Variants in SRGAP3 observed in about 807,000 individuals in gnomAD.
SRGAP3 encodes SLIT-ROBO Rho GTPase activating protein 3.
A neutral mutation model predicts 121.1 loss-of-function variants in SRGAP3; 39 were observed. The ratio of observed to expected loss-of-function variants is 0.32; its 90% CI spans 0.25 to 0.42. SRGAP3 has a LOEUF of 0.42. SRGAP3 is among the 10% of genes least tolerant of loss of function. The pLI is 1.00. For missense variants in SRGAP3, 1,213 were observed against 1,470.6 expected (o/e 0.82, Z 2.86); for synonymous variants, 601 against 570.0 (o/e 1.05, Z -0.77).
intron 3 of SRGAP3, among the ~76,000 whole-genome samples, chr3:9,083,345 A>G (rs1006952026): frequency 6.6e-6 from 1 of 152,256 alleles, no homozygotes. Context: ...AATGGAAAGA[A>G]TAAGTCTCCC....
intron 3 of SRGAP3, among the ~76,000 whole-genome samples, chr3:9,101,629 G>A (rs1207926695): frequency 6.6e-6 from 1 of 152,228 alleles, no homozygotes; most frequent in East Asian, 1.9e-4. Flanking sequence ...GAGAAAACTG[G>A]AGCAGAGTTG....
Position 9,338,441 on chromosome 3 carries a change from T to C in SRGAP3, n.215-7845A>G, listed in dbSNP as rs146401617. 5.6e-3 allele frequency among the ~76,000 whole-genome samples: 853 copies of C among 152,288 alleles called. 12 individuals are homozygous for C. Among genetic ancestry groups the C allele is most frequent in the African/African-American group, 0.02 (813 of 41,546 alleles). ...AAGAAATATCTAGCCAATTTTGGAA[T>C]TATGAGGCTTGTGTGAAGGATGTCA... On this transcript the variant is annotated intron_variant and non_coding_transcript_variant, in intron 1 of 3. Transcript: ENST00000490889.
intron 1 of SRGAP3, among the ~76,000 whole-genome samples, chr3:9,210,684 G>GC (rs1256445169): frequency 6.6e-6 from 1 of 151,962 alleles, no homozygotes; most frequent in Non-Finnish European, 1.5e-5. Flanking sequence ...AAATAAATTA[G>GC]CCAGGGGTGG....
At chr3:9,332,279 C>A (rs1210019570) in intron 1 of SRGAP3, among the ~76,000 whole-genome samples, 1 of 152,172 alleles carries the variant, frequency 6.6e-6, no homozygotes, top group African/African-American at 2.4e-5. Flanking sequence ...ACCACCACAC[C>A]CAACTAATTT....
intron 3 of SRGAP3, among the ~76,000 whole-genome samples, chr3:9,294,619 G>A (rs1434068528): frequency 1.3e-5 from 2 of 151,100 alleles, no homozygotes; most frequent in Non-Finnish European, 2.9e-5. Context: ...TGCTTGATTC[G>A]GACCACATTT....
At chr3:9,072,208 G>A (rs745727997) in intron 4 of SRGAP3, among the ~76,000 whole-genome samples, 9 of 152,244 alleles carry the variant, frequency 5.9e-5, no homozygotes, top group South Asian at 2.1e-4. Context: ...GCTTCCCACC[G>A]CGCTAAGTGC....
rs779275912 is a variant in SRGAP3 at position 9,182,792 on chromosome 3, T to C, written c.68-57875A>G. ...CCTCAGCCTCCCAAGTAGCTGGGACTACAGCCATGTGCCACCATGCCTGGT... is the reference window on the plus strand; with the variant it reads ...CCTCAGCCTCCCAAGTAGCTGGGACCACAGCCATGTGCCACCATGCCTGGT... On this transcript the variant is annotated intron_variant, in intron 1 of 21. Transcript: ENST00000383836. 1.2e-3 allele frequency among the ~76,000 whole-genome samples: 188 copies of C among 152,178 alleles called. 1 individual carries two copies. Among genetic ancestry groups the C allele is most frequent in the Middle Eastern group, 0.01 (3 of 294 alleles).
intron 1 of SRGAP3, among the ~76,000 whole-genome samples, chr3:9,214,909 A>C (rs1952564460): frequency 6.6e-6 from 1 of 152,228 alleles, no homozygotes; most frequent in African/African-American, 2.4e-5. Flanking sequence ...AGAAAGTCAA[A>C]GGCACAACAA....
rs1955159913 is a variant in SRGAP3 at position 9,306,264 on chromosome 3, G to C, written n.442+19746C>G. Among the ~76,000 whole-genome samples the C allele has an allele frequency of 4.6e-5, 7 of 152,242 alleles. No homozygotes were observed. In the South Asian group the frequency reaches 1.5e-3, roughly 32 times the overall value. On this transcript the variant is annotated intron_variant and non_coding_transcript_variant, in intron 3 of 3. Transcript: ENST00000490889. Reference sequence around the variant, plus strand: ...TGCCCACTTTTTGATGGGGTTGTTTGATTTTTTTCTGTAAATTTGTTTAAG... The same window carrying C: ...TGCCCACTTTTTGATGGGGTTGTTTCATTTTTTTCTGTAAATTTGTTTAAG...
intron 14 of SRGAP3, among the ~76,000 whole-genome samples, chr3:9,020,457 A>G (rs1943860582): frequency 6.6e-6 from 1 of 152,062 alleles, no homozygotes; most frequent in Non-Finnish European, 1.5e-5. Flanking sequence ...GAATTCAAAA[A>G]CTGTACCATA....
chr3:9,087,100 G>A (rs1947536034), intron 3 of SRGAP3, among the ~76,000 whole-genome samples: 1 of 151,882 alleles, frequency 6.6e-6, no homozygotes, highest in South Asian at 2.1e-4. Context: ...ATATATGTGT[G>A]TATATATATT....
chr3:9,160,073 C>T (rs1306260651), intron 1 of SRGAP3, among the ~76,000 whole-genome samples: 3 of 152,126 alleles, frequency 2.0e-5, no homozygotes, highest in Non-Finnish European at 4.4e-5. Flanking sequence ...GGTTCAAATC[C>T]CAGTGTTACC....
In SRGAP3 at chr3:8,985,013, G is replaced by A. The variant is rs1941600962; in HGVS notation, c.*506C>T. The A allele has an allele frequency of 8.8e-6, 2 of 228,316 alleles. No homozygotes were observed. The highest frequency in any genetic ancestry group is 5.7e-5 in the Admixed American group (1 of 17,566). The allele number at this position is 228,316 out of a possible 1,614,324, so 14.1% of individuals were successfully genotyped here. On this transcript the variant is annotated 3_prime_UTR_variant, in exon 22 of 22. Transcript: ENST00000383836. The surrounding 1 kb of genome is among the most constrained non-coding windows in gnomAD (Gnocchi z 5.1). ...TGGCATGGATCTGAGGTAAATCTAA[G>A]TTTCATAAAAAGAAAAAGGAGATAC... is the stretch of plus-strand genomic sequence containing the variant.
chr3:9,050,619 A>G (rs1945519265), intron 9 of SRGAP3, among the ~76,000 whole-genome samples: 1 of 152,250 alleles, frequency 6.6e-6, no homozygotes, highest in Non-Finnish European at 1.5e-5. Context: ...ATAAACTATA[A>G]CATCTGATGA....
chr3:9,091,975 T>C (rs1429284245), intron 3 of SRGAP3, among the ~76,000 whole-genome samples: 1 of 152,184 alleles, frequency 6.6e-6, no homozygotes, highest in Non-Finnish European at 1.5e-5. Context: ...TTCCTACTGT[T>C]GCCAGGGCTG....
intron 3 of SRGAP3, among the ~76,000 whole-genome samples, chr3:9,317,446 T>A (rs1194248850): frequency 6.6e-6 from 1 of 152,186 alleles, no homozygotes; most frequent in East Asian, 1.9e-4. Flanking sequence ...CTCACTGTTT[T>A]CCTTCCAGAA....
chr3:9,326,390 T>C (rs1260674771), intron 2 of SRGAP3, among the ~76,000 whole-genome samples: 2 of 152,068 alleles, frequency 1.3e-5, no homozygotes, highest in East Asian at 3.9e-4. Flanking sequence ...AAGTTTTGAC[T>C]GTCTTCCCAG....
chr3:9,272,878 C>T (rs1244781516), intron 3 of SRGAP3, among the ~76,000 whole-genome samples: 1 of 152,002 alleles, frequency 6.6e-6, no homozygotes, highest in African/African-American at 2.4e-5. Context: ...TAACAATACA[C>T]AAGAGTTTCA....
intron 11 of SRGAP3, chr3:9,037,331 C>A (rs1944795241): frequency 6.6e-6 from 1 of 152,310 alleles, no homozygotes; most frequent in South Asian, 2.1e-4. Flanking sequence ...AAGCAAACAA[C>A]CTGGCCAGTG....
Sources: allele counts gnomAD v4.1 joint callset (sites outside exome capture counted in the v4.1 genomes callset), GRCh38; gene constraint gnomAD v4.1.1; non-coding constraint Gnocchi (gnomAD v3.1); transcripts MANE v1.5; gene names NCBI Gene and HGNC (gene_info 2026-07-23, HGNC 2026-07-21).